SLC44A1: variants seen among roughly 807,000 people sequenced by gnomAD.
SLC44A1 encodes choline transporter-like protein 1.
A neutral mutation model predicts 79.3 loss-of-function variants in SLC44A1; 26 were observed. The ratio of observed to expected loss-of-function variants is 0.33; its 90% CI spans 0.24 to 0.46. The LOEUF is 0.46. Ranked by LOEUF, SLC44A1 falls within the 20% of genes least tolerant of loss-of-function variation. SLC44A1 has a pLI of 1.00. For synonymous variants in SLC44A1, 263 were observed against 286.2 expected (o/e 0.92, Z 0.82); for missense variants, 688 against 798.1 (o/e 0.86, Z 1.66).
Position 105,392,507 on chromosome 9 carries a change from C to CCTT in SLC44A1, c.*3453_*3455dup. Reference sequence around the variant, plus strand: ...TTGGTATCTGCCAAGGGCTTCCTTGCCTTCCCTGGGCAGTTTTAGGATTTC... The same window carrying CCTT: ...TTGGTATCTGCCAAGGGCTTCCTTGCCTTCTTCCCTGGGCAGTTTTAGGATTTC... On this transcript the variant is annotated 3_prime_UTR_variant, in exon 16 of 16. Transcript: ENST00000374720. 1 of 983,278 alleles carries CCTT rather than the reference C, an allele frequency of 1.0e-6. No homozygotes were observed. Among genetic ancestry groups the CCTT allele is most frequent in the Non-Finnish European group, 1.2e-6 (1 of 829,668 alleles). The allele number at this position is 983,278 out of a possible 1,614,324, so 60.9% of individuals were successfully genotyped here. A position where few individuals can be genotyped will look rare whatever the true frequency, so the allele number is the denominator to read the frequency against.
chr9:105,294,567 C>T (rs934972877), intron 1 of SLC44A1: 3 of 151,758 alleles, frequency 2.0e-5, no homozygotes, highest in Non-Finnish European at 4.4e-5. Context: ...TGTGATGTGT[C>T]TTTTTTTACC....
intron 15 of SLC44A1, among the ~76,000 whole-genome samples, chr9:105,427,059 T>C (rs6477443): frequency 0.12 from 17,754 of 151,940 alleles, 2,690 homozygotes; most frequent in African/African-American, 0.36. Flanking sequence ...TCTCAGCCTC[T>C]GGAGTAGCTG....
intron 9 of SLC44A1, among the ~76,000 whole-genome samples, chr9:105,363,491 G>A (rs1347446805): frequency 1.3e-5 from 2 of 150,946 alleles, no homozygotes; most frequent in African/African-American, 4.9e-5. Context: ...TTGAGACAGA[G>A]TGTCTCTCTG....
At chr9:105,315,030 A>G (rs890412172) in intron 3 of SLC44A1, among the ~76,000 whole-genome samples, 12 of 152,200 alleles carry the variant, frequency 7.9e-5, no homozygotes, top group African/African-American at 2.9e-4. Flanking sequence ...GGTGAGCTGT[A>G]TGGTAATTCC....
At chr9:105,245,058 C>T (rs1039979730) in intron 1 of SLC44A1, among the ~76,000 whole-genome samples, 154 bp downstream of exon 1, 1 of 152,034 alleles carries the variant, frequency 6.6e-6, no homozygotes, top group Non-Finnish European at 1.5e-5. Flanking sequence ...TTCCGTCCGC[C>T]GGGTCCCGCC....
intron 15 of SLC44A1, among the ~76,000 whole-genome samples, chr9:105,418,126 GC>G (rs1829196689): frequency 6.6e-6 from 1 of 151,890 alleles, no homozygotes; most frequent in African/African-American, 2.4e-5. Context: ...GACCAGCCTG[GC>G]CATGGTGAAA....
intron 15 of SLC44A1, among the ~76,000 whole-genome samples, chr9:105,423,824 G>A (rs943461531): frequency 6.6e-6 from 1 of 152,118 alleles, no homozygotes; most frequent in Non-Finnish European, 1.5e-5. Flanking sequence ...ATTAACTTAT[G>A]AGAGCAATAG....
chr9:105,338,875 G>A (rs1827002624), intron 4 of SLC44A1, among the ~76,000 whole-genome samples: 1 of 152,132 alleles, frequency 6.6e-6, no homozygotes, highest in African/African-American at 2.4e-5. Context: ...ATTTCAGAGA[G>A]GAATATCTTT....
At chr9:105,402,880 T>G (rs953453705) in intron 15 of SLC44A1, among the ~76,000 whole-genome samples, 3 of 151,718 alleles carry the variant, frequency 2.0e-5, no homozygotes, top group Non-Finnish European at 2.9e-5. Context: ...GATCCCATCA[T>G]AGCTCACTGC....
At chr9:105,306,299 G>T (rs762724541) in intron 2 of SLC44A1, among the ~76,000 whole-genome samples, 7 of 151,878 alleles carry the variant, frequency 4.6e-5, no homozygotes, top group Non-Finnish European at 1.0e-4. Context: ...CTCTCTCTCT[G>T]CTGAACCATT....
intron 1 of SLC44A1, among the ~76,000 whole-genome samples, chr9:105,280,395 G>A (rs1173749331): frequency 6.6e-6 from 1 of 152,130 alleles, no homozygotes; most frequent in Admixed American, 6.5e-5. Flanking sequence ...AAAGAGTTGA[G>A]CAAATTGCTG....
intron 1 of SLC44A1, among the ~76,000 whole-genome samples, chr9:105,296,538 G>T (rs1281549657): frequency 6.6e-6 from 1 of 152,116 alleles, no homozygotes; most frequent in African/African-American, 2.4e-5. Context: ...CCAACCTGAG[G>T]CTTCTCCCTT....
intron 15 of SLC44A1, among the ~76,000 whole-genome samples, chr9:105,408,029 A>T (rs1219984352): frequency 6.6e-6 from 1 of 151,772 alleles, no homozygotes; most frequent in African/African-American, 2.4e-5. Context: ...TAGCTGGCAT[A>T]GTGGTAGGCG....
chr9:105,397,481 GTC>G, downstream of SLC44A1: 1 of 385,034 alleles, frequency 2.6e-6, no homozygotes, highest in Non-Finnish European at 3.6e-6. Context: ...GTTCCTTTCT[GTC>G]TCTCGCAGCA....
intron 3 of SLC44A1, among the ~76,000 whole-genome samples, chr9:105,327,467 G>A (rs1826616260): frequency 1.3e-5 from 2 of 152,224 alleles, no homozygotes; most frequent in South Asian, 4.1e-4. Flanking sequence ...ATTTTTAGTA[G>A]AGACAGGGTT....
At chr9:105,281,477 T>C (rs1455928434) in intron 1 of SLC44A1, among the ~76,000 whole-genome samples, 1 of 152,148 alleles carries the variant, frequency 6.6e-6, no homozygotes, top group Non-Finnish European at 1.5e-5. Flanking sequence ...GCAGTGGTAG[T>C]ATATGAATGC....
At chr9:105,335,845 AC>A in intron 4 of SLC44A1, 146 bp downstream of exon 4, 1 of 788,058 alleles carries the variant, frequency 1.3e-6, no homozygotes, top group Non-Finnish European at 1.9e-6. Flanking sequence ...TATTATAGTC[AC>A]CCAGGGAGCT....
At chr9:105,266,714 A>G (rs1385237888) in intron 1 of SLC44A1, among the ~76,000 whole-genome samples, 1 of 152,180 alleles carries the variant, frequency 6.6e-6, no homozygotes, top group Non-Finnish European at 1.5e-5. Context: ...GTGGCTTTAT[A>G]GTATATATTG....
intron 1 of SLC44A1, among the ~76,000 whole-genome samples, chr9:105,257,364 G>A (rs1024632338): frequency 1.3e-5 from 2 of 152,180 alleles, no homozygotes; most frequent in Non-Finnish European, 1.5e-5. Context: ...CCAAAGTGCC[G>A]AGATTACAGG....
Sources: allele counts gnomAD v4.1 joint callset (sites outside exome capture counted in the v4.1 genomes callset), GRCh38; gene constraint gnomAD v4.1.1; transcripts MANE v1.5; gene names NCBI Gene and HGNC (gene_info 2026-07-23, HGNC 2026-07-21).